PATJ: variants seen among roughly 807,000 people sequenced by gnomAD.
PATJ encodes inaD-like protein.
PATJ carries 190 observed loss-of-function variants against 224.9 expected under a neutral mutation model. The observed-to-expected ratio is 0.84, with a 90% CI of 0.75 to 0.95. The LOEUF (loss-of-function observed/expected upper bound fraction) is 0.95. Among genes scored for constraint, PATJ ranks in the 40% least tolerant of loss-of-function variants. PATJ has a pLI of 0.00. For synonymous variants in PATJ, 769 were observed against 820.3 expected (o/e 0.94, Z 1.07); for missense variants, 2,121 against 2,270.3 (o/e 0.93, Z 1.34).
intron 37 of PATJ, among the ~76,000 whole-genome samples, chr1:62,119,968 T>A (rs1664864374): frequency 6.6e-6 from 1 of 152,102 alleles, no homozygotes; most frequent in Admixed American, 6.6e-5. Flanking sequence ...GCAATAAAGG[T>A]CTTGGCAAAC....
Position 61,808,463 on chromosome 1 carries a change from T to C in PATJ, c.1627-11T>C. 6.3e-7 allele frequency: 1 copy of C among 1,580,246 alleles called. No homozygotes were observed. Among genetic ancestry groups the C allele is most frequent in the Non-Finnish European group, 8.7e-7 (1 of 1,151,322 alleles). Reference sequence around the variant, plus strand: ...TTTTACAAATACTGGAAATTTTTTTTGTAAATTTAGGTTGCTACTTTGGAC... The same window carrying C: ...TTTTACAAATACTGGAAATTTTTTTCGTAAATTTAGGTTGCTACTTTGGAC... On this transcript the variant is annotated splice_polypyrimidine_tract_variant and intron_variant, in intron 13 of 43. Coordinates refer to ENST00000642238, the MANE Select transcript of PATJ (RefSeq NM_001350145.3).
In PATJ at chr1:62,088,594, C is replaced by T. The variant is rs529444787; in HGVS notation, c.4377+3946C>T. ...ACTTCTTAACCTCTCAGTCTATTTC[C>T]TGCTCTATTTACAGAGATAATAATA... On this transcript the variant is annotated intron_variant, in intron 33 of 43. Transcript: ENST00000642238. Among the ~76,000 whole-genome samples the T allele has an allele frequency of 6.6e-5, 10 of 152,206 alleles. No homozygotes were observed. The South Asian group carries it at 2.1e-3, about 32-fold the overall frequency.
chr1:61,842,210 G>A (rs556702611), intron 17 of PATJ, among the ~76,000 whole-genome samples: 1 of 152,278 alleles, frequency 6.6e-6, no homozygotes, highest in African/African-American at 2.4e-5. Flanking sequence ...GAGGCTGTGT[G>A]TATATCAGCT....
chr1:61,921,412 G>A (rs771304109), intron 26 of PATJ, among the ~76,000 whole-genome samples: 6 of 152,204 alleles, frequency 3.9e-5, no homozygotes, highest in Non-Finnish European at 5.9e-5. Context: ...TGATCAGGCT[G>A]TTGTGGGTTT....
intron 27 of PATJ, among the ~76,000 whole-genome samples, chr1:61,974,387 ATCTC>A (rs1553227611): frequency 8.2e-4 from 105 of 128,046 alleles, no homozygotes; most frequent in African/African-American, 2.8e-3. Context: ...AGATACCCCC[ATCTC>A]TCTCTCTCTC....
chr1:61,939,419 G>T (rs1013711279), intron 27 of PATJ, among the ~76,000 whole-genome samples: 1 of 150,148 alleles, frequency 6.7e-6, no homozygotes, highest in African/African-American at 2.5e-5. Context: ...CAAAGATCAG[G>T]CAGTATTTAA....
intron 41 of PATJ, among the ~76,000 whole-genome samples, chr1:62,135,903 G>T (rs1666806081): frequency 6.6e-6 from 1 of 151,708 alleles, no homozygotes; most frequent in Admixed American, 6.6e-5. Flanking sequence ...GAAGTGGAGT[G>T]GTTTTCCAGG....
intron 28 of PATJ, among the ~76,000 whole-genome samples, chr1:62,001,554 T>C: frequency 6.6e-6 from 1 of 151,126 alleles, no homozygotes; most frequent in Non-Finnish European, 1.5e-5. Flanking sequence ...TCTATATCTC[T>C]GTTTCGGTAC....
Position 62,130,716 on chromosome 1 carries a change from T to G in PATJ, c.5271+1771T>G, listed in dbSNP as rs181302339. The stretch of plus-strand genomic sequence containing the variant: ...AATACAAAAAATTAGCCGGGCATGG[T>G]GGCGGGCGCCTATAGTCCCAGCTAC... On this transcript the variant is annotated intron_variant, in intron 41 of 43. Transcript: ENST00000642238. Among the ~76,000 whole-genome samples, 922 of 152,040 alleles carry G rather than the reference T, an allele frequency of 6.1e-3. 9 individuals are homozygous for G. The highest frequency in any genetic ancestry group is 0.021 in the African/African-American group (877 of 41,498).
chr1:61,869,340 T>C (rs909843618), intron 20 of PATJ, among the ~76,000 whole-genome samples: 1 of 152,046 alleles, frequency 6.6e-6, no homozygotes, highest in Non-Finnish European at 1.5e-5. Context: ...TCTCCTGACC[T>C]CGTGATCCGC....
intron 7 of PATJ, among the ~76,000 whole-genome samples, chr1:61,782,830 C>T (rs1647621586): frequency 6.6e-6 from 1 of 152,154 alleles, no homozygotes; most frequent in African/African-American, 2.4e-5. Context: ...TTTTGTGTGA[C>T]ATTGATAACA....
At chr1:61,971,918 G>A (rs544245827) in intron 27 of PATJ, among the ~76,000 whole-genome samples, 1 of 150,474 alleles carries the variant, frequency 6.6e-6, no homozygotes, top group East Asian at 1.9e-4. Context: ...GAACACGGGA[G>A]GTTGAGGCTG....
chr1:62,000,423 C>T (rs1263391662), intron 28 of PATJ, among the ~76,000 whole-genome samples: 2 of 146,608 alleles, frequency 1.4e-5, no homozygotes, highest in African/African-American at 2.6e-5. Flanking sequence ...GTTCAATTCC[C>T]ATCTATGAGT....
At chr1:61,898,592 G>A (rs1670694356) in intron 22 of PATJ, among the ~76,000 whole-genome samples, 1 of 152,064 alleles carries the variant, frequency 6.6e-6, no homozygotes, top group Non-Finnish European at 1.5e-5. Context: ...TTTGTATAGA[G>A]TAATACAATT....
intron 27 of PATJ, among the ~76,000 whole-genome samples, chr1:61,931,255 G>A (rs888989894): frequency 6.6e-6 from 1 of 152,162 alleles, no homozygotes; most frequent in African/African-American, 2.4e-5. Flanking sequence ...ATATGGCAGG[G>A]AACATGGCTG....
intron 15 of PATJ, 87 bp downstream of exon 15, chr1:61,823,166 G>A: frequency 7.4e-7 from 1 of 1,353,600 alleles, no homozygotes; most frequent in South Asian, 1.3e-5. Context: ...CTGAGTTATA[G>A]TGTCACCAAT....
intron 33 of PATJ, among the ~76,000 whole-genome samples, chr1:62,091,738 G>A (rs1433073587): frequency 6.6e-6 from 1 of 151,488 alleles, no homozygotes; most frequent in Non-Finnish European, 1.5e-5. Context: ...GCAACATAGT[G>A]AGACCCCATC....
Position 61,884,382 on chromosome 1 carries a change from G to C in PATJ, c.3105G>C (p.Leu1035Phe). Residue 1035 changes from leucine (L) to phenylalanine (F), a missense_variant, in exon 22 of 44, where the codon TTG becomes TTC. Leu to Phe is a conservative substitution (Grantham distance 22, BLOSUM62 0). Coordinates refer to ENST00000642238, the MANE Select transcript of PATJ (RefSeq NM_001350145.3). Reference protein sequence around the residue: ...ISKASAYTGMLSSRYATDTCE... With the variant: ...ISKASAYTGMFSSRYATDTCE... ...AGGCCTCAGCATACACAGGAATGTT[G>C]TCTTCTAGATATGCCACTGATACAT... The C allele has an allele frequency of 6.3e-7, 1 of 1,595,940 alleles. No homozygotes were observed. Among genetic ancestry groups the C allele is most frequent in the South Asian group, 1.1e-5 (1 of 89,742 alleles).
chr1:62,143,960 C>G (rs1667760488), intron 41 of PATJ, among the ~76,000 whole-genome samples: 1 of 151,970 alleles, frequency 6.6e-6, no homozygotes, highest in South Asian at 2.1e-4. Flanking sequence ...GGGATGGAAG[C>G]TGGAGTGGGG....
Sources: allele counts gnomAD v4.1 joint callset (sites outside exome capture counted in the v4.1 genomes callset), GRCh38; gene constraint gnomAD v4.1.1; transcripts MANE v1.5; gene names NCBI Gene and HGNC (gene_info 2026-07-23, HGNC 2026-07-21).